The following EPHA6 variants were observed in gnomAD, a reference collection of about 807,000 sequenced individuals.
EPHA6 encodes the protein ephrin type-A receptor 6.
In EPHA6, 50 loss-of-function variants were observed where a neutral mutation model predicts 112.0. The ratio of observed to expected loss-of-function variants is 0.45; its 90% confidence interval spans 0.36 to 0.56. EPHA6 has a LOEUF of 0.56. EPHA6 is among the 20% of genes least tolerant of loss of function. EPHA6 has a pLI of 0.00. For missense variants in EPHA6, 1,280 were observed against 1,417.4 expected, an observed-to-expected ratio of 0.90 and a Z score of 1.56; for synonymous variants, 529 against 490.7, an observed-to-expected ratio of 1.08 and a Z score of -1.03.
At chr3:97,277,613 A>T (rs1055621721) in intron 5 of EPHA6, among the ~76,000 whole-genome samples, 3 of 152,208 alleles carry the variant, frequency 2.0e-5, no homozygotes, top group Non-Finnish European at 2.9e-5. Context: ...ACAAACCTGT[A>T]TAGCTTGTTA....
intron 6 of EPHA6, among the ~76,000 whole-genome samples, chr3:97,414,818 C>T (rs934732506): frequency 5.3e-5 from 8 of 152,044 alleles, no homozygotes; most frequent in Admixed American, 1.3e-4. Flanking sequence ...TTGTAAACCA[C>T]CAAATGTTCC....
At chr3:97,342,056 AACAG>A (rs1481177756) in intron 5 of EPHA6, among the ~76,000 whole-genome samples, 1 of 152,186 alleles carries the variant, frequency 6.6e-6, no homozygotes, top group Admixed American at 6.5e-5. Context: ...TATAGAGAGA[AACAG>A]ACAAAGATAA....
chr3:97,746,819 GTAAAT>G (rs2035733529), intron 16 of EPHA6, among the ~76,000 whole-genome samples: 1 of 151,860 alleles, frequency 6.6e-6, no homozygotes, highest in Non-Finnish European at 1.5e-5. Flanking sequence ...TTGTATGTGT[GTAAAT>G]CTTATTCATG....
At position 97,518,527 on chromosome 3, in the gene EPHA6, C is replaced by T. The variant is rs534901216; in HGVS notation, c.2201-13831C>T. Among the ~76,000 whole-genome samples the T allele has an allele frequency of 3.8e-4, 57 of 151,170 alleles. 1 individual carries two copies. The South Asian group carries it at 4.4e-3, about 12-fold the overall frequency. On this transcript the variant is annotated intron_variant, in intron 10 of 17. Coordinates refer to ENST00000389672, the MANE Select transcript of EPHA6 (RefSeq NM_001080448.3). ...ATGTGGTCGTTCTTTTGTTTGTTTG[C>T]CTTTTTTTTTCTTTTTGAGAGATCC...
At chr3:97,463,986 A>G (rs546633907) in intron 7 of EPHA6, among the ~76,000 whole-genome samples, 114 of 152,266 alleles carry the variant, frequency 7.5e-4, no homozygotes, top group Admixed American at 5.2e-4. Flanking sequence ...TGAGACAAGA[A>G]ACTGGAAAAT....
chr3:97,336,882 G>C (rs1193378859), intron 5 of EPHA6, among the ~76,000 whole-genome samples: 1 of 151,242 alleles, frequency 6.6e-6, no homozygotes, highest in African/African-American at 2.4e-5. Flanking sequence ...ATTTAACTCA[G>C]GTCTTGGAAA....
At position 97,166,866 on chromosome 3, in the gene EPHA6, G is replaced by A. The variant is rs182484889; in HGVS notation, c.1115-59398G>A. ...TATCAATTTCTGTTCAGGGAAACAG[G>A]GAAAGGGAAACAGTGAAACATAATC... On this transcript the variant is annotated intron_variant, in intron 3 of 17. Transcript: ENST00000389672. 3.1e-3 allele frequency among the ~76,000 whole-genome samples: 468 copies of A among 152,172 alleles called. 3 individuals carry two copies. The highest frequency in any genetic ancestry group is 0.01 in the African/African-American group (426 of 41,538).
At chr3:96,877,250 C>A (rs1480010046) in intron 2 of EPHA6, among the ~76,000 whole-genome samples, 1 of 152,012 alleles carries the variant, frequency 6.6e-6, no homozygotes, top group East Asian at 1.9e-4. Flanking sequence ...GTCTTAAGTA[C>A]AGGTAGAAAG....
intron 3 of EPHA6, among the ~76,000 whole-genome samples, chr3:97,009,374 A>T (rs1053621673): frequency 6.6e-6 from 1 of 152,186 alleles, no homozygotes; most frequent in Non-Finnish European, 1.5e-5. Context: ...GTTAGACCTT[A>T]AGAGGCATTC....
intron 3 of EPHA6, among the ~76,000 whole-genome samples, chr3:97,193,498 A>C (rs946264854): frequency 2.6e-5 from 4 of 152,120 alleles, no homozygotes; most frequent in Non-Finnish European, 4.4e-5. Context: ...TGTATTCTGC[A>C]ACTTTACTGA....
At chr3:97,106,936 G>A (rs1442350087) in intron 3 of EPHA6, among the ~76,000 whole-genome samples, 1 of 152,072 alleles carries the variant, frequency 6.6e-6, no homozygotes, top group African/African-American at 2.4e-5. Flanking sequence ...AACTATTCAG[G>A]TGTCTGGGAT....
intron 10 of EPHA6, among the ~76,000 whole-genome samples, chr3:97,500,604 A>G (rs1305223344): frequency 6.6e-6 from 1 of 152,166 alleles, no homozygotes; most frequent in Non-Finnish European, 1.5e-5. Context: ...ACTGGGGATT[A>G]TAATTCACCA....
intron 5 of EPHA6, among the ~76,000 whole-genome samples, chr3:97,249,062 G>T (rs1346840935): frequency 1.3e-5 from 2 of 151,348 alleles, no homozygotes; most frequent in African/African-American, 4.9e-5. Context: ...AAAAAAAAGT[G>T]TGGAAGTTTT....
At chr3:96,909,821 C>T (rs980008232) in intron 2 of EPHA6, among the ~76,000 whole-genome samples, 3 of 151,916 alleles carry the variant, frequency 2.0e-5, no homozygotes, top group Non-Finnish European at 4.4e-5. Context: ...AAACTCTGGA[C>T]CAGAATTATA....
chr3:97,480,221 C>T (rs4303868), intron 9 of EPHA6, among the ~76,000 whole-genome samples: 2 of 148,676 alleles, frequency 1.3e-5, no homozygotes, highest in Non-Finnish European at 1.5e-5. Flanking sequence ...TTTTTTCTTT[C>T]TTTTTATTTA....
At chr3:96,993,730 C>T (rs1335995914) in intron 3 of EPHA6, among the ~76,000 whole-genome samples, 1 of 152,136 alleles carries the variant, frequency 6.6e-6, no homozygotes, top group Non-Finnish European at 1.5e-5. Context: ...TTAAGCATCA[C>T]TTTTGAAATT....
chr3:97,077,924 G>A (rs902754989), intron 3 of EPHA6, among the ~76,000 whole-genome samples: 1 of 152,158 alleles, frequency 6.6e-6, no homozygotes, highest in South Asian at 2.1e-4. Flanking sequence ...TGGGATTGCT[G>A]GGCCAAATGG....
At chr3:97,060,872 C>G (rs1263397132) in intron 3 of EPHA6, among the ~76,000 whole-genome samples, 1 of 131,612 alleles carries the variant, frequency 7.6e-6, no homozygotes, top group African/African-American at 3.0e-5. Context: ...TACAGTGAGC[C>G]GAGATTGCGC....
intron 3 of EPHA6, among the ~76,000 whole-genome samples, chr3:97,170,718 C>T (rs539470815): frequency 6.6e-6 from 1 of 151,140 alleles, no homozygotes; most frequent in Non-Finnish European, 1.5e-5. Flanking sequence ...ACCTGGGCGA[C>T]AGAGCGAGCC....
Sources: gnomAD v4.1 joint callset for allele counts (sites outside exome capture counted in the v4.1 genomes callset) on GRCh38, gnomAD v4.1.1 for gene constraint, MANE v1.5 for transcripts, NCBI Gene and HGNC (gene_info 2026-07-23, HGNC 2026-07-21) for gene names.